The following PRDM10 variants were observed in gnomAD, a reference collection of about 807,000 sequenced individuals.
PRDM10 encodes the protein PR/SET domain 10.
Under a neutral mutation model 133.1 loss-of-function variants are expected in PRDM10, and 65 were observed. That is an observed-to-expected ratio of 0.49 (90% CI 0.40 to 0.60). The LOEUF (loss-of-function observed/expected upper bound fraction) is 0.60. Among genes scored for constraint, PRDM10 ranks in the 20% least tolerant of loss-of-function variants. The pLI is 0.00. For missense variants in PRDM10, 1,137 were observed against 1,507.1 expected (o/e 0.75, Z 4.07); for synonymous variants, 582 against 580.4 (o/e 1.00, Z -0.04).
At chr11:129,952,853 T>C (rs1951613535) in intron 4 of PRDM10, among the ~76,000 whole-genome samples, 1 of 152,172 alleles carries the variant, frequency 6.6e-6, no homozygotes, top group Non-Finnish European at 1.5e-5. Context: ...ACTAATCTCC[T>C]ACCTACTTCC....
rs147563558 is a variant in PRDM10 at position 129,988,935 on chromosome 11, A to T, written c.-119+13787T>A. Among the ~76,000 whole-genome samples the T allele has an allele frequency of 8.3e-3, 1,265 of 152,222 alleles. 26 individuals are homozygous for T. The highest frequency in any genetic ancestry group is 0.029 in the African/African-American group (1,207 of 41,556). On this transcript the variant is annotated intron_variant, in intron 1 of 20. Coordinates refer to ENST00000360871, the MANE Select transcript of PRDM10 (RefSeq NM_199437.2). ...TGAGCCACTGCGCCCGGCCAAGTCA[A>T]TGCAAACTTTCTAGAAATATCCAGA...
intron 2 of PRDM10, among the ~76,000 whole-genome samples, chr11:129,960,220 G>A (rs1951770608): frequency 6.6e-6 from 1 of 152,134 alleles, no homozygotes; most frequent in African/African-American, 2.4e-5. Flanking sequence ...CATTACACGT[G>A]TATGTTTACT....
chr11:130,001,327 C>T (rs1358829508), intron 1 of PRDM10, among the ~76,000 whole-genome samples: 5 of 152,078 alleles, frequency 3.3e-5, no homozygotes, highest in Non-Finnish European at 7.4e-5. Context: ...TCTTGCCTTA[C>T]AGCGATGGAG....
chr11:129,937,555 T>G, intron 8 of PRDM10, 43 bp downstream of exon 8: 1 of 1,569,884 alleles, frequency 6.4e-7, no homozygotes, highest in Non-Finnish European at 8.7e-7. Flanking sequence ...TATATACAAT[T>G]TAGAATTCAT....
intron 11 of PRDM10, among the ~76,000 whole-genome samples, chr11:129,929,159 A>G (rs1242204805): frequency 7.9e-5 from 12 of 152,200 alleles, no homozygotes; most frequent in Admixed American, 7.9e-4. Flanking sequence ...AGTCATTCCA[A>G]TGGTTTTAGC....
intron 1 of PRDM10, among the ~76,000 whole-genome samples, chr11:129,993,762 G>A (rs1938886477): frequency 6.6e-6 from 1 of 152,172 alleles, no homozygotes; most frequent in Admixed American, 6.5e-5. Context: ...GGGATTACAG[G>A]CGTGAGCCAC....
At chr11:130,001,893 C>G (rs1177587646) in intron 1 of PRDM10, among the ~76,000 whole-genome samples, 1 of 151,808 alleles carries the variant, frequency 6.6e-6, no homozygotes, top group Non-Finnish European at 1.5e-5. Context: ...CGCCTCCGCC[C>G]GGCCAGCCCC....
At chr11:130,001,827 G>T (rs1939402714) in intron 1 of PRDM10, among the ~76,000 whole-genome samples, 2 of 151,986 alleles carry the variant, frequency 1.3e-5, no homozygotes, top group African/African-American at 4.8e-5. Flanking sequence ...CTGCCTCTGC[G>T]CTGCACCCTG....
chr11:129,970,392 T>A (rs548928545), intron 1 of PRDM10, among the ~76,000 whole-genome samples: 2 of 152,238 alleles, frequency 1.3e-5, no homozygotes, highest in African/African-American at 4.8e-5. Context: ...GCAGAGGAGC[T>A]ACAATGTAAC....
At chr11:129,934,932 TGAGGAGCA>T (rs1950980340) in intron 9 of PRDM10, among the ~76,000 whole-genome samples, 161 bp downstream of exon 9, 1 of 152,166 alleles carries the variant, frequency 6.6e-6, no homozygotes, top group Admixed American at 6.5e-5. Flanking sequence ...TAATAGTAAA[TGAGGAGCA>T]GAGGGAAAAG....
At chr11:129,921,844 C>CA (rs759854045) in intron 13 of PRDM10, among the ~76,000 whole-genome samples, 23 of 152,198 alleles carry the variant, frequency 1.5e-4, no homozygotes, top group Non-Finnish European at 2.1e-4. Context: ...ACCCAGCCAC[C>CA]AGCTGTCTTC....
At chr11:129,907,012 G>T (rs1266537676) in intron 19 of PRDM10, among the ~76,000 whole-genome samples, 2 of 151,168 alleles carry the variant, frequency 1.3e-5, no homozygotes, top group Non-Finnish European at 2.9e-5. Flanking sequence ...AGAATATCAC[G>T]ACTTTGCAGC....
At chr11:129,985,491 T>G (rs2135979424) in intron 1 of PRDM10, among the ~76,000 whole-genome samples, 1 of 151,976 alleles carries the variant, frequency 6.6e-6, no homozygotes, top group Middle Eastern at 3.4e-3. Flanking sequence ...GAACGCACTG[T>G]AAGTCAAATA....
chr11:129,964,564 C>T (rs182546064), intron 1 of PRDM10, among the ~76,000 whole-genome samples: 1 of 152,320 alleles, frequency 6.6e-6, no homozygotes. Context: ...TACAAGGTAG[C>T]ATTTCTTCTA....
At chr11:129,906,859 T>C (rs1380562914) in intron 19 of PRDM10, among the ~76,000 whole-genome samples, 1 of 151,944 alleles carries the variant, frequency 6.6e-6, no homozygotes, top group Non-Finnish European at 1.5e-5. Flanking sequence ...GTGCCTGTAG[T>C]CCCAGCTACT....
At chr11:129,907,506 G>A (rs1451592653) in intron 19 of PRDM10, among the ~76,000 whole-genome samples, 1 of 152,088 alleles carries the variant, frequency 6.6e-6, no homozygotes, top group African/African-American at 2.4e-5. Flanking sequence ...CTGGATTCAA[G>A]CGATTCTCCT....
chr11:129,967,563 G>T (rs568319045), intron 1 of PRDM10, among the ~76,000 whole-genome samples: 20 of 152,136 alleles, frequency 1.3e-4, no homozygotes, highest in African/African-American at 4.3e-4. Flanking sequence ...TTCAAGAAAG[G>T]GTAGCAATTT....
intron 1 of PRDM10, among the ~76,000 whole-genome samples, chr11:129,980,312 G>C (rs1398945992): frequency 6.6e-6 from 1 of 152,142 alleles, no homozygotes; most frequent in Non-Finnish European, 1.5e-5. Flanking sequence ...ATTAATGCAG[G>C]AGTCTCCGAC....
At chr11:129,919,745 T>C (rs906030828) in intron 13 of PRDM10, among the ~76,000 whole-genome samples, 1 of 152,206 alleles carries the variant, frequency 6.6e-6, no homozygotes, top group African/African-American at 2.4e-5. Context: ...TCTTCCCACC[T>C]TTCAGCACAG....
Sources: allele counts gnomAD v4.1 joint callset (sites outside exome capture counted in the v4.1 genomes callset), GRCh38; gene constraint gnomAD v4.1.1; transcripts MANE v1.5; gene names NCBI Gene and HGNC (gene_info 2026-07-23, HGNC 2026-07-21).